Variants in CCDC25 observed in about 807,000 individuals in gnomAD.
CCDC25 encodes the protein coiled-coil domain-containing protein 25.
A neutral mutation model predicts 35.3 loss-of-function variants in CCDC25; 16 were observed. That is an observed-to-expected ratio of 0.45 (90% CI 0.31 to 0.69). The LOEUF is 0.69. CCDC25 is among the 30% of genes least tolerant of loss of function. The probability of loss-of-function intolerance (pLI) is 0.06; values close to 1 mark genes in which losing one functional copy is unlikely to be tolerated. For synonymous variants in CCDC25, 79 were observed against 80.3 expected (o/e 0.98, Z 0.09); for missense variants, 179 against 250.7 (o/e 0.71, Z 1.93).
At chr8:27,763,742 T>A (rs910278349) in intron 2 of CCDC25, among the ~76,000 whole-genome samples, 2 of 151,790 alleles carry the variant, frequency 1.3e-5, no homozygotes, top group South Asian at 2.1e-4. Context: ...ATAAATAAAT[T>A]GTGAATGATT....
intron 7 of CCDC25, among the ~76,000 whole-genome samples, chr8:27,744,971 G>T (rs1803557305): frequency 6.6e-6 from 1 of 151,968 alleles, no homozygotes; most frequent in African/African-American, 2.4e-5. Context: ...CTGAGCTTTG[G>T]GTTCCAATTC....
chr8:27,764,120 A>G (rs1804319424), intron 2 of CCDC25, among the ~76,000 whole-genome samples: 3 of 152,226 alleles, frequency 2.0e-5, no homozygotes, highest in South Asian at 4.1e-4. Context: ...CTGAAGTCAT[A>G]AACACTATTA....
chr8:27,746,927 G>C (rs938611536), intron 7 of CCDC25, among the ~76,000 whole-genome samples: 1 of 152,178 alleles, frequency 6.6e-6, no homozygotes, highest in African/African-American at 2.4e-5. Context: ...AGGAAACTGG[G>C]TTAGGACATG....
intron 8 of CCDC25, among the ~76,000 whole-genome samples, chr8:27,739,520 A>T (rs71519650): frequency 6.6e-6 from 1 of 152,116 alleles, no homozygotes; most frequent in Non-Finnish European, 1.5e-5. Flanking sequence ...TTAAAAAAAT[A>T]CAATAAAAAT....
At chr8:27,739,203 T>A (rs1272020379) in intron 8 of CCDC25, among the ~76,000 whole-genome samples, 2 of 152,214 alleles carry the variant, frequency 1.3e-5, no homozygotes, top group Non-Finnish European at 2.9e-5. Context: ...CTCTATTTAA[T>A]TTAATAATGC....
At position 27,733,329 on chromosome 8, in the gene CCDC25, A is replaced by G. The variant is rs1328443478; in HGVS notation, c.*2887T>C. The stretch of plus-strand genomic sequence containing the variant: ...TCACACACACAGTTCTACTCAAACT[A>G]TAAGCTTTTATTATTGTATTTTACA... On this transcript the variant is annotated 3_prime_UTR_variant, in exon 9 of 9. Coordinates refer to ENST00000356537, the MANE Select transcript of CCDC25 (RefSeq NM_018246.3). The G allele has an allele frequency of 6.6e-6, 1 of 152,240 alleles. No homozygotes were observed. The highest frequency in any genetic ancestry group is 1.5e-5 in the Non-Finnish European group (1 of 68,036). 9.4% of individuals were successfully genotyped at this position (152,240 alleles called of 1,614,324 possible).
chr8:27,768,202 C>T (rs1804466449), intron 1 of CCDC25, among the ~76,000 whole-genome samples: 1 of 151,570 alleles, frequency 6.6e-6, no homozygotes. Flanking sequence ...AATTGGGGGA[C>T]TCTGGGAGAA....
At chr8:27,766,015 T>A (rs780833336) in intron 1 of CCDC25, among the ~76,000 whole-genome samples, 7 of 152,258 alleles carry the variant, frequency 4.6e-5, no homozygotes, top group Non-Finnish European at 1.0e-4. Context: ...AAATGATATT[T>A]GCTTTACCAA....
At chr8:27,741,149 C>T (rs922538343) in intron 7 of CCDC25, among the ~76,000 whole-genome samples, 2 of 152,134 alleles carry the variant, frequency 1.3e-5, no homozygotes, top group African/African-American at 4.8e-5. Flanking sequence ...GTCTTGATTG[C>T]ACGACTGAAC....
rs1231998686 is a variant in CCDC25, at chr8:27,772,553, G to T, written c.-13C>A. The T allele has an allele frequency of 6.5e-7, 1 of 1,549,068 alleles. No homozygotes were observed. Among genetic ancestry groups the T allele is most frequent in the Non-Finnish European group, 8.7e-7 (1 of 1,146,460 alleles). ...AGTAGAACACCATGATCCCGGGAGC[G>T]GTGCGGTGACTCCACCGCGGAGCAG... On this transcript the variant is annotated 5_prime_UTR_variant, in exon 1 of 9. Transcript: ENST00000356537.
intron 7 of CCDC25, chr8:27,747,861 C>T (rs1803656252): frequency 3.6e-6 from 2 of 553,310 alleles, no homozygotes; most frequent in South Asian, 4.8e-5. Flanking sequence ...TTATTTCATC[C>T]ACTTTCATAT....
intron 7 of CCDC25, among the ~76,000 whole-genome samples, chr8:27,740,870 C>T (rs1803413274): frequency 6.6e-6 from 1 of 152,124 alleles, no homozygotes; most frequent in Non-Finnish European, 1.5e-5. Flanking sequence ...AGGTATACAG[C>T]TCAGATTGTA....
intron 1 of CCDC25, among the ~76,000 whole-genome samples, chr8:27,766,295 G>A (rs1804397561): frequency 6.6e-6 from 1 of 152,126 alleles, no homozygotes; most frequent in Non-Finnish European, 1.5e-5. Context: ...ACATGTACCT[G>A]GAGCCCTGAA....
chr8:27,772,620 G>T lies in CCDC25; in HGVS notation c.-80C>A. 6.3e-6 allele frequency: 9 copies of T among 1,429,238 alleles called. No homozygotes were observed. Among genetic ancestry groups the T allele is most frequent in the African/African-American group, 2.8e-5 (2 of 70,624 alleles). 88.5% of individuals were successfully genotyped at this position (1,429,238 alleles called of 1,614,324 possible). On this transcript the variant is annotated 5_prime_UTR_variant, in exon 1 of 9. Coordinates refer to ENST00000356537, the MANE Select transcript of CCDC25 (RefSeq NM_018246.3). ...AAGCTCAGGATACCAGACTCGCGGC[G>T]GCCGCCTGGCCCCCGGAACTCCTCC...
At chr8:27,756,557 A>G in intron 4 of CCDC25, 162 bp downstream of exon 4, 1 of 596,646 alleles carries the variant, frequency 1.7e-6, no homozygotes, top group Admixed American at 2.9e-5. Flanking sequence ...CTAGAATGTT[A>G]GAGTGATTTT....
At chr8:27,746,739 AGATT>A (rs1803615277) in intron 7 of CCDC25, among the ~76,000 whole-genome samples, 2 of 152,216 alleles carry the variant, frequency 1.3e-5, no homozygotes, top group Non-Finnish European at 2.9e-5. Flanking sequence ...TCATATTAGC[AGATT>A]GTAACTCAGG....
At chr8:27,767,676 A>T (rs895940882) in intron 1 of CCDC25, among the ~76,000 whole-genome samples, 1 of 152,232 alleles carries the variant, frequency 6.6e-6, no homozygotes, top group African/African-American at 2.4e-5. Flanking sequence ...TAGGACACTA[A>T]TGGGTACGGA....
In CCDC25 at chr8:27,749,379, C is replaced by T. The variant is rs373191982; in HGVS notation, c.245-781G>A. ...ATGTACACTGGAAAAAGCTGGAAGACCACTTTACCCAAGGGGTCAAGGTTA... is the reference window on the plus strand; with the variant it reads ...ATGTACACTGGAAAAAGCTGGAAGATCACTTTACCCAAGGGGTCAAGGTTA... On this transcript the variant is annotated intron_variant, in intron 5 of 8. Transcript: ENST00000356537. Among the ~76,000 whole-genome samples the T allele has an allele frequency of 3.9e-5, 6 of 152,304 alleles. No homozygotes were observed. In the East Asian group the frequency reaches 9.6e-4, roughly 24 times the overall value.
chr8:27,751,424 A>T (rs61379450), intron 5 of CCDC25, among the ~76,000 whole-genome samples: 6,718 of 152,308 alleles, frequency 0.044, 215 homozygotes, highest in African/African-American at 0.087. Flanking sequence ...GTAAAGCAAC[A>T]GTTCTACCTT....
Sources: allele counts gnomAD v4.1 joint callset (sites outside exome capture counted in the v4.1 genomes callset), GRCh38; gene constraint gnomAD v4.1.1; transcripts MANE v1.5; gene names NCBI Gene and HGNC (gene_info 2026-07-23, HGNC 2026-07-21).